The following NAA16 variants were observed in gnomAD, a reference collection of about 807,000 sequenced individuals.
NAA16 encodes the protein NARG1-like protein.
NAA16 carries 97 observed loss-of-function variants against 110.3 expected under a neutral mutation model. The observed-to-expected ratio is 0.88, with a 90% CI of 0.75 to 1.04. The LOEUF (loss-of-function observed/expected upper bound fraction) is 1.04. Among genes scored for constraint, NAA16 ranks in the 50% least tolerant of loss-of-function variants. NAA16 has a pLI of 0.00. For missense variants in NAA16, 1,017 were observed against 1,005.1 expected (o/e 1.01, Z -0.16); for synonymous variants, 372 against 330.6 (o/e 1.13, Z -1.36).
chr13:41,318,935 G>T, intron 3 of NAA16, 25 bp downstream of exon 3: 1 of 1,401,566 alleles, frequency 7.1e-7, no homozygotes, highest in Non-Finnish European at 9.7e-7. Flanking sequence ...TAGTTAAATA[G>T]TTTATGTTTT....
At chr13:41,365,031 T>A (rs1236508495) in intron 13 of NAA16, among the ~76,000 whole-genome samples, 1 of 152,116 alleles carries the variant, frequency 6.6e-6, no homozygotes, top group Admixed American at 6.6e-5. Flanking sequence ...AATTCTTGCT[T>A]AGGGGGAGAG....
At chr13:41,339,618 T>C (rs9532793) in intron 9 of NAA16, among the ~76,000 whole-genome samples, 144,157 of 152,180 alleles carry the variant, frequency 0.95, 68,350 homozygotes, top group South Asian at 0.99. Flanking sequence ...AGTGCAGTGG[T>C]GCAATCTCGG....
rs1229748675 is a variant in NAA16, at chr13:41,374,688, C to T, written c.2300-54C>T. Reference sequence around the variant, plus strand: ...TGAAGTCACTGGCCAGTTGATATCACATAAAATGTAAAGTATAGGTGTTTA... The same window carrying T: ...TGAAGTCACTGGCCAGTTGATATCATATAAAATGTAAAGTATAGGTGTTTA... On this transcript the variant is annotated intron_variant, in intron 18 of 19. Coordinates refer to ENST00000379406, the MANE Select transcript of NAA16 (RefSeq NM_024561.5). 2.5e-6 allele frequency: 3 copies of T among 1,178,548 alleles called. No individual in the cohort carries two copies. In the African/African-American group the frequency reaches 4.6e-5, roughly 18 times the overall value. 73.0% of individuals were successfully genotyped at this position (1,178,548 alleles called of 1,614,324 possible).
At chr13:41,368,076 C>T (rs571043807) in intron 14 of NAA16, among the ~76,000 whole-genome samples, 96 of 152,218 alleles carry the variant, frequency 6.3e-4, no homozygotes, top group African/African-American at 2.2e-3. Flanking sequence ...ATAGAAATGT[C>T]TGTGGACTAG....
At chr13:41,368,268 G>A (rs937622281) in intron 14 of NAA16, among the ~76,000 whole-genome samples, 1 of 152,214 alleles carries the variant, frequency 6.6e-6, no homozygotes, top group East Asian at 1.9e-4. Flanking sequence ...GAAATAGTTA[G>A]CATGAAATGA....
At chr13:41,366,359 C>T (rs1217208779) in intron 13 of NAA16, among the ~76,000 whole-genome samples, 2 of 152,094 alleles carry the variant, frequency 1.3e-5, no homozygotes, top group Non-Finnish European at 2.9e-5. Flanking sequence ...TGCGGAGTGA[C>T]TTAACTATCC....
chr13:41,350,461 GT>G (rs1253193885), intron 9 of NAA16, among the ~76,000 whole-genome samples: 1 of 151,428 alleles, frequency 6.6e-6, no homozygotes, highest in Non-Finnish European at 1.5e-5. Flanking sequence ...ACCTGGCTAA[GT>G]TTTTTTGTAT....
intron 9 of NAA16, among the ~76,000 whole-genome samples, chr13:41,349,683 G>A (rs1057270129): frequency 6.6e-6 from 1 of 152,086 alleles, no homozygotes; most frequent in Non-Finnish European, 1.5e-5. Context: ...TGTCATACGT[G>A]GCCGGGTGTG....
chr13:41,329,659 T>G (rs1481270143), intron 7 of NAA16, among the ~76,000 whole-genome samples: 1 of 151,800 alleles, frequency 6.6e-6, no homozygotes, highest in Non-Finnish European at 1.5e-5. Flanking sequence ...TGTTTAAAAT[T>G]TAACACTACA....
chr13:41,323,218 T>G, intron 5 of NAA16, 28 bp downstream of exon 5: 1 of 1,607,322 alleles, frequency 6.2e-7, no homozygotes, highest in Non-Finnish European at 8.5e-7. Context: ...TCCTTCTACC[T>G]TCATAAATGG....
Position 41,328,880 on chromosome 13 carries a change from T to C in NAA16, c.811+37T>C, listed in dbSNP as rs1184178679. 3.3e-6 allele frequency: 5 copies of C among 1,513,190 alleles called. No homozygotes were observed. In the African/African-American group the frequency reaches 5.5e-5, roughly 17 times the overall value. The allele number at this position is 1,513,190 out of a possible 1,614,324, so 93.7% of individuals were successfully genotyped here. ...TTTTTCTCCTCTTTCTCATAACTAC[T>C]GATTGAAGTATAATAAAATGTAAAG... On this transcript the variant is annotated intron_variant, in intron 7 of 19. Transcript: ENST00000379406.
chr13:41,328,865 C>G (rs200505236), intron 7 of NAA16, 22 bp downstream of exon 7: 30 of 1,569,904 alleles, frequency 1.9e-5, no homozygotes, highest in Non-Finnish European at 2.4e-5. Context: ...TTTTTCTCCT[C>G]TTTCTCATAA....
chr13:41,318,494 A>C (rs1293842887), intron 2 of NAA16, among the ~76,000 whole-genome samples: 1 of 152,096 alleles, frequency 6.6e-6, no homozygotes, highest in Non-Finnish European at 1.5e-5. Flanking sequence ...GAGCCATTGC[A>C]CCTGGCCTGC....
In NAA16 at chr13:41,372,205, A is replaced by G. The variant is rs772573242; in HGVS notation, c.1950A>G (p.Val650=). 9.7e-6 allele frequency: 15 copies of G among 1,539,676 alleles called. No individual in the cohort carries two copies. The Middle Eastern group carries it at 5.2e-4, about 54-fold the overall frequency. ...TTTTCCTTTCTGTTTCAAAATAGGT[A>G]GAAAATCCATTAGAGGAAGCCGTTA... ...EELIPEKLER[V]ENPLEEAVKF... Residue 650 remains valine (V), a splice_region_variant and synonymous_variant, in exon 16 of 20, where the codon GTA becomes GTG. Coordinates refer to ENST00000379406, the MANE Select transcript of NAA16 (RefSeq NM_024561.5).
chr13:41,358,187 T>C, intron 10 of NAA16, 117 bp from the exon 11 acceptor site: 1 of 882,048 alleles, frequency 1.1e-6, no homozygotes, highest in Non-Finnish European at 1.7e-6. Flanking sequence ...TAGTTTTTGC[T>C]GAGTCTTTCT....
chr13:41,348,511 G>T (rs1414698592), intron 9 of NAA16, among the ~76,000 whole-genome samples: 2 of 152,122 alleles, frequency 1.3e-5, no homozygotes, highest in Non-Finnish European at 2.9e-5. Flanking sequence ...CTTGGTCATG[G>T]TGGGTAATTC....
At chr13:41,325,522 T>C (rs2042070412) in intron 5 of NAA16, among the ~76,000 whole-genome samples, 176 bp from the exon 6 acceptor site, 1 of 152,184 alleles carries the variant, frequency 6.6e-6, no homozygotes, top group African/African-American at 2.4e-5. Flanking sequence ...CACCCTATTA[T>C]TTGTTTTAAA....
chr13:41,369,911 C>CAT (rs1346797830), intron 15 of NAA16, among the ~76,000 whole-genome samples: 2 of 152,168 alleles, frequency 1.3e-5, no homozygotes, highest in African/African-American at 4.8e-5. Flanking sequence ...AGAACTATAA[C>CAT]ATAATAAGTG....
chr13:41,358,796 A>T lies in NAA16; in HGVS notation c.1258-14A>T, dbSNP rs761086684. On this transcript the variant is annotated splice_polypyrimidine_tract_variant and intron_variant, in intron 11 of 19. Coordinates refer to ENST00000379406, the MANE Select transcript of NAA16 (RefSeq NM_024561.5). Reference sequence around the variant, plus strand: ...TTGATTATAAATTGTGGTTCCTTTAATTATCTTTTATAGCATATAGGTAAT... The same window carrying T: ...TTGATTATAAATTGTGGTTCCTTTATTTATCTTTTATAGCATATAGGTAAT... The T allele has an allele frequency of 3.2e-6, 5 of 1,552,170 alleles. No individual in the cohort carries two copies. The Admixed American group carries it at 1.0e-4, about 31-fold the overall frequency.
Sources: gnomAD v4.1 joint callset for allele counts (sites outside exome capture counted in the v4.1 genomes callset) on GRCh38, gnomAD v4.1.1 for gene constraint, MANE v1.5 for transcripts, NCBI Gene and HGNC (gene_info 2026-07-23, HGNC 2026-07-21) for gene names.